The following LAMC3 variants were observed in gnomAD, a reference collection of about 807,000 sequenced individuals.
LAMC3 encodes laminin subunit gamma-3.
In LAMC3, 128 loss-of-function variants were observed where a neutral mutation model predicts 173.8. The ratio of observed to expected loss-of-function variants is 0.74; its 90% CI spans 0.64 to 0.85. The LOEUF is 0.85. Ranked by LOEUF, LAMC3 falls within the 40% of genes least tolerant of loss-of-function variation. The probability of loss-of-function intolerance (pLI) is 0.00; values close to 1 mark genes in which losing one functional copy is unlikely to be tolerated. For missense variants in LAMC3, 2,022 were observed against 2,156.0 expected (o/e 0.94, Z 1.23); for synonymous variants, 897 against 909.1 (o/e 0.99, Z 0.24).
At position 131,092,064 on chromosome 9, in the gene LAMC3, C is replaced by G. The variant is rs149901837; in HGVS notation, c.*277C>G. 5.8e-6 allele frequency: 3 copies of G among 520,602 alleles called. No individual in the cohort carries two copies. Among genetic ancestry groups the G allele is most frequent in the Non-Finnish European group, 7.0e-6 (2 of 284,844 alleles). 32.2% of individuals were successfully genotyped at this position (520,602 alleles called of 1,614,324 possible). A position where few individuals can be genotyped will look rare whatever the true frequency, so the allele number is the denominator to read the frequency against. ...CACCCCAGTGTCAATAACATACACA[C>G]GTGAGGGTGCATGTCTGTGTGTATG... On this transcript the variant is annotated 3_prime_UTR_variant, in exon 28 of 28. Coordinates refer to ENST00000361069, the MANE Select transcript of LAMC3 (RefSeq NM_006059.4).
chr9:131,076,079 T>C, intron 21 of LAMC3, 114 bp downstream of exon 21: 1 of 1,079,858 alleles, frequency 9.3e-7, no homozygotes, highest in Admixed American at 2.7e-5. Flanking sequence ...TGACGTTCTT[T>C]GTCGTTGGTG....
intron 13 of LAMC3, 127 bp downstream of exon 13, chr9:131,061,350 C>T (rs1019854256): frequency 5.1e-5 from 39 of 765,956 alleles, no homozygotes; most frequent in Non-Finnish European, 6.5e-5. Flanking sequence ...GCCCAGCTTA[C>T]GGGCAGCAGG....
Position 131,072,855 on chromosome 9 carries a change from T to C in LAMC3, c.3417+20T>C. The C allele has an allele frequency of 6.2e-7, 1 of 1,600,246 alleles. No individual in the cohort carries two copies. Among genetic ancestry groups the C allele is most frequent in the Non-Finnish European group, 8.5e-7 (1 of 1,172,760 alleles). On this transcript the variant is annotated intron_variant, in intron 19 of 27. Coordinates refer to ENST00000361069, the MANE Select transcript of LAMC3 (RefSeq NM_006059.4). ...TCTCTGGTATCCCAGGGGACCCCCC[T>C]ACCCGAACACACCAAACCTGGGCAT... is the stretch of plus-strand genomic sequence containing the variant.
At chr9:131,048,982 C>T (rs771808341) in intron 8 of LAMC3, 38 bp from the exon 9 acceptor site, 3 of 1,375,252 alleles carry the variant, frequency 2.2e-6, no homozygotes, top group East Asian at 2.5e-5. Flanking sequence ...CCTCCGGGGC[C>T]TCACACTGAT....
intron 25 of LAMC3, 90 bp downstream of exon 25, chr9:131,085,813 ACTC>A: frequency 3.3e-6 from 4 of 1,219,938 alleles, no homozygotes; most frequent in Non-Finnish European, 4.8e-6. Flanking sequence ...CGTGCTGACT[ACTC>A]CGCACTCACT....
chr9:131,073,944 C>CTTTTTTTTTTTTTTTTTT (rs57877574), intron 20 of LAMC3, among the ~76,000 whole-genome samples: 21 of 90,756 alleles, frequency 2.3e-4, no homozygotes, highest in Admixed American at 3.7e-4. Context: ...CTTTTCTTTT[C>CTTTTTTTTTTTTTTTTTT]TTTTTTTTTT....
intron 11 of LAMC3, among the ~76,000 whole-genome samples, chr9:131,055,715 G>C (rs560763752): frequency 6.6e-6 from 1 of 150,928 alleles, no homozygotes; most frequent in Non-Finnish European, 1.5e-5. Flanking sequence ...TCGAGCCACC[G>C]CGCCCGGCCC....
chr9:131,073,533 C>T (rs563778438), intron 20 of LAMC3, among the ~76,000 whole-genome samples: 5 of 152,280 alleles, frequency 3.3e-5, no homozygotes, highest in Admixed American at 3.3e-4. Flanking sequence ...CTGAAGGCGT[C>T]AGAGAGCATC....
intron 17 of LAMC3, among the ~76,000 whole-genome samples, chr9:131,070,747 C>T (rs1387448643): frequency 1.3e-5 from 2 of 152,166 alleles, no homozygotes; most frequent in African/African-American, 4.8e-5. Context: ...CTGAATATCA[C>T]ATAATCCCCC....
chr9:131,009,808 G>T lies in LAMC3; in HGVS notation c.373+221G>T, dbSNP rs544978112. ...GAGATGGGAGGGTCGCTTGAGCCCAGGAGTTCAAGATCAGCCTGGGCAACG... is the reference window on the plus strand; with the variant it reads ...GAGATGGGAGGGTCGCTTGAGCCCATGAGTTCAAGATCAGCCTGGGCAACG... On this transcript the variant is annotated intron_variant, in intron 1 of 27. Transcript: ENST00000361069. The surrounding 1 kb of genome is among the most constrained non-coding windows in gnomAD (Gnocchi z 4.3). Among the ~76,000 whole-genome samples, 1 of 152,060 alleles carries T rather than the reference G, an allele frequency of 6.6e-6. No homozygotes were observed. The highest frequency in any genetic ancestry group is 2.4e-5 in the African/African-American group (1 of 41,394).
chr9:131,069,200 T>A, intron 16 of LAMC3, 150 bp downstream of exon 16: 2 of 914,624 alleles, frequency 2.2e-6, no homozygotes, highest in South Asian at 1.6e-5. Context: ...ATGGAGCGAG[T>A]TGCTCCCGTG....
intron 1 of LAMC3, among the ~76,000 whole-genome samples, chr9:131,015,847 G>A (rs904533719): frequency 1.3e-5 from 2 of 152,000 alleles, no homozygotes; most frequent in African/African-American, 2.4e-5. Context: ...TTGTAGTTAC[G>A]GGGTTTCACC....
intron 11 of LAMC3, among the ~76,000 whole-genome samples, chr9:131,053,812 G>A (rs1308956235): frequency 5.8e-5 from 3 of 51,546 alleles, no homozygotes; most frequent in East Asian, 3.1e-4. Flanking sequence ...CAGACTGGGC[G>A]ACAGAGCCAG....
chr9:131,019,379 G>A (rs1324283432), intron 1 of LAMC3, among the ~76,000 whole-genome samples: 3 of 152,236 alleles, frequency 2.0e-5, no homozygotes, highest in Non-Finnish European at 4.4e-5. Context: ...GCACACAAGA[G>A]GTGCCCAATA....
chr9:131,048,934 C>T (rs1031537432), intron 8 of LAMC3, 86 bp from the exon 9 acceptor site: 2 of 762,214 alleles, frequency 2.6e-6, no homozygotes, highest in Admixed American at 5.5e-5. Context: ...TCCCTCCTAC[C>T]CCAGGGCCCC....
intron 17 of LAMC3, among the ~76,000 whole-genome samples, chr9:131,070,628 T>C (rs1250829718): frequency 6.6e-6 from 1 of 152,080 alleles, no homozygotes; most frequent in Non-Finnish European, 1.5e-5. Context: ...GGAGAATTGC[T>C]TGAACCCAGG....
At chr9:131,090,128 C>T (rs1830398252) in intron 27 of LAMC3, among the ~76,000 whole-genome samples, 1 of 152,134 alleles carries the variant, frequency 6.6e-6, no homozygotes, top group African/African-American at 2.4e-5. Context: ...TGCCCAGGGT[C>T]CCACAGCCAG....
chr9:131,042,046 T>C (rs1391534536), intron 7 of LAMC3, among the ~76,000 whole-genome samples: 1 of 152,144 alleles, frequency 6.6e-6, no homozygotes, highest in African/African-American at 2.4e-5. Flanking sequence ...AATCCAGGGA[T>C]AGTAAATAGA....
intron 3 of LAMC3, among the ~76,000 whole-genome samples, chr9:131,033,713 C>T (rs893289402): frequency 1.3e-5 from 2 of 152,180 alleles, no homozygotes; most frequent in African/African-American, 2.4e-5. Flanking sequence ...AGGCGGGAGG[C>T]GGCAGCTTGG....
Sources: gnomAD v4.1 joint callset for allele counts (sites outside exome capture counted in the v4.1 genomes callset) on GRCh38, gnomAD v4.1.1 for gene constraint, Gnocchi (gnomAD v3.1) non-coding constraint, MANE v1.5 for transcripts, NCBI Gene and HGNC (gene_info 2026-07-23, HGNC 2026-07-21) for gene names.